Variants in ESCO1 observed in about 807,000 individuals in gnomAD.
ESCO1 encodes the protein N-acetyltransferase ESCO1.
ESCO1 carries 33 observed loss-of-function variants against 83.5 expected under a neutral mutation model. The ratio of observed to expected loss-of-function variants is 0.40; its 90% CI spans 0.30 to 0.53. ESCO1 has a LOEUF of 0.53. Ranked by LOEUF, ESCO1 falls within the 20% of genes least tolerant of loss-of-function variation. The pLI is 0.63. For synonymous variants in ESCO1, 332 were observed against 324.3 expected (o/e 1.02, Z -0.25); for missense variants, 855 against 968.0 (o/e 0.88, Z 1.55).
chr18:21,573,217 A>G, intron 4 of ESCO1, 97 bp downstream of exon 4: 1 of 1,233,078 alleles, frequency 8.1e-7, no homozygotes, highest in Non-Finnish European at 1.1e-6. Context: ...CAACTCTTCA[A>G]TCTTTTATGA....
intron 1 of ESCO1, among the ~76,000 whole-genome samples, chr18:21,589,947 C>T (rs1338404775): frequency 1.3e-5 from 2 of 152,052 alleles, no homozygotes; most frequent in Admixed American, 6.6e-5. Flanking sequence ...CCTGCCTTAG[C>T]CTCCCGAGTA....
At chr18:21,561,135 C>T (rs6508480) in intron 7 of ESCO1, 145 bp from the exon 8 acceptor site, 723,368 of 726,648 alleles carry the variant, frequency 1, 360,132 homozygotes, top group East Asian at 1. Context: ...AAAAATAACA[C>T]GTTAATCTGA....
At chr18:21,588,746 A>C (rs145532871) in intron 1 of ESCO1, among the ~76,000 whole-genome samples, 1 of 151,840 alleles carries the variant, frequency 6.6e-6, no homozygotes, top group South Asian at 2.1e-4. Flanking sequence ...GCAAAACCCT[A>C]TCTCTACAAA....
At chr18:21,533,701 G>T (rs1371263362) in intron 10 of ESCO1, among the ~76,000 whole-genome samples, 1 of 152,036 alleles carries the variant, frequency 6.6e-6, no homozygotes, top group Admixed American at 6.6e-5. Context: ...GATCTAGGTG[G>T]AATAGAACCT....
At chr18:21,568,193 T>C in intron 4 of ESCO1, 99 bp from the exon 5 acceptor site, 1 of 844,772 alleles carries the variant, frequency 1.2e-6, no homozygotes, top group Non-Finnish European at 1.9e-6. Flanking sequence ...AACATACTTT[T>C]TATTTGGAGC....
chr18:21,536,880 C>CA (rs1307492713), intron 9 of ESCO1, among the ~76,000 whole-genome samples: 2 of 152,138 alleles, frequency 1.3e-5, no homozygotes, highest in African/African-American at 2.4e-5. Context: ...ATCGGTAAAA[C>CA]AAAAGTGAGT....
At chr18:21,565,252 A>G (rs574740809) in intron 6 of ESCO1, among the ~76,000 whole-genome samples, 1 of 152,340 alleles carries the variant, frequency 6.6e-6, no homozygotes, top group East Asian at 1.9e-4. Flanking sequence ...AGTCATTCCA[A>G]TTTGTACTAA....
intron 1 of ESCO1, among the ~76,000 whole-genome samples, chr18:21,592,718 G>A (rs1476234858): frequency 6.6e-6 from 1 of 150,798 alleles, no homozygotes; most frequent in African/African-American, 2.4e-5. Flanking sequence ...CCCAGACGGG[G>A]TGGCTGCCGG....
intron 1 of ESCO1, among the ~76,000 whole-genome samples, chr18:21,599,066 GCA>G (rs2038803911): frequency 6.6e-6 from 1 of 152,020 alleles, no homozygotes; most frequent in Non-Finnish European, 1.5e-5. Context: ...AATTCACCAG[GCA>G]CAGTGGCTCA....
chr18:21,598,545 CA>C (rs11339627), intron 1 of ESCO1, among the ~76,000 whole-genome samples: 148,486 of 150,928 alleles, frequency 0.98, 73,083 homozygotes, highest in South Asian at 1. Context: ...ACTAAAAATA[CA>C]AAAAAATTAG....
chr18:21,547,392 G>C (rs2037988076), intron 8 of ESCO1, among the ~76,000 whole-genome samples: 1 of 149,714 alleles, frequency 6.7e-6, no homozygotes, highest in African/African-American at 2.4e-5. Context: ...GAGTTAATTT[G>C]CTAGGGTCAT....
At chr18:21,579,794 G>GCGCACACACACACACA (rs1192534759) in intron 2 of ESCO1, among the ~76,000 whole-genome samples, 3 of 37,168 alleles carry the variant, frequency 8.1e-5, no homozygotes, top group East Asian at 1.5e-3. Flanking sequence ...ACGCGCGCGC[G>GCGCACACACACACACA]CACACACACA....
intron 9 of ESCO1, among the ~76,000 whole-genome samples, chr18:21,537,154 C>G (rs528967069): frequency 2.6e-5 from 4 of 152,330 alleles, no homozygotes; most frequent in Admixed American, 6.5e-5. Context: ...AGTTTAGCTC[C>G]TAACTGACCA....
At chr18:21,573,216 A>C in intron 4 of ESCO1, 98 bp downstream of exon 4, 1 of 1,221,560 alleles carries the variant, frequency 8.2e-7, no homozygotes, top group Non-Finnish European at 1.1e-6. Context: ...ACAACTCTTC[A>C]ATCTTTTATG....
intron 2 of ESCO1, among the ~76,000 whole-genome samples, chr18:21,583,951 CA>C (rs1240487135): frequency 6.6e-6 from 1 of 152,048 alleles, no homozygotes; most frequent in Non-Finnish European, 1.5e-5. Flanking sequence ...ACCAAAAAAG[CA>C]AAGTGCAGAA....
chr18:21,536,572 CAG>C (rs1368562271), intron 9 of ESCO1, among the ~76,000 whole-genome samples: 1 of 136,750 alleles, frequency 7.3e-6, no homozygotes, highest in African/African-American at 2.7e-5. Context: ...GCCTGGGTGA[CAG>C]AGTGAGACTC....
At position 21,574,045 on chromosome 18, in the gene ESCO1, G is replaced by A; in HGVS notation, c.799C>T (p.His267Tyr). Residue 267 changes from histidine (H) to tyrosine (Y), a missense_variant, in exon 4 of 12, where the codon CAT (histidine) becomes TAT (tyrosine). His to Tyr is a moderately conservative substitution (Grantham distance 83, BLOSUM62 2). Around this residue, in one of 2 missense-constraint regions of ESCO1, gnomAD observed 726 missense variants for 699.5 expected, o/e 1.04. Coordinates refer to ENST00000269214, the MANE Select transcript of ESCO1 (RefSeq NM_052911.3). ...PKKNEMKKSV[H>Y]TQVNTNTTLP... ...GTTGTGTTAGTATTCACTTGTGTAT[G>A]AACCGACTTCTTCATCTCATTCTTT... The A allele has an allele frequency of 6.2e-7, 1 of 1,612,804 alleles. No homozygotes were observed. The highest frequency in any genetic ancestry group is 8.5e-7 in the Non-Finnish European group (1 of 1,179,990).
rs141575135 is a variant in ESCO1 at position 21,563,057 on chromosome 18, G to C, written c.1821+1146C>G. Among the ~76,000 whole-genome samples the C allele has an allele frequency of 2.2e-3, 331 of 152,006 alleles. 1 individual carries two copies. The highest frequency in any genetic ancestry group is 3.7e-3 in the South Asian group (18 of 4,808). ...CAGCTAATTTTGTATTTTTAGTAGA[G>C]ATGGGCTTTCTCGGTGTTGGTCAGG... is the stretch of plus-strand genomic sequence containing the variant. On this transcript the variant is annotated intron_variant, in intron 7 of 11. Transcript: ENST00000269214.
intron 2 of ESCO1, among the ~76,000 whole-genome samples, chr18:21,582,875 T>C (rs912315304): frequency 1.3e-5 from 2 of 152,214 alleles, no homozygotes; most frequent in Non-Finnish European, 2.9e-5. Flanking sequence ...CCTATCAAAA[T>C]TTTAAGTGCT....
Sources: allele counts gnomAD v4.1 joint callset (sites outside exome capture counted in the v4.1 genomes callset), GRCh38; gene constraint gnomAD v4.1.1; regional missense constraint gnomAD v4.1.1; transcripts MANE v1.5; gene names NCBI Gene and HGNC (gene_info 2026-07-23, HGNC 2026-07-21).